Variants in FCGRT observed in about 807,000 individuals in gnomAD.
The protein encoded by FCGRT is IgG receptor FcRn large subunit p51.
In FCGRT, 13 loss-of-function variants were observed where a neutral mutation model predicts 35.7. That is an observed-to-expected ratio of 0.36 (90% confidence interval 0.24 to 0.58). The LOEUF is 0.58. Ranked by LOEUF, FCGRT falls within the 20% of genes least tolerant of loss-of-function variation. FCGRT has a pLI of 0.77. For missense variants in FCGRT, 455 were observed against 474.9 expected (o/e 0.96, Z 0.39); for synonymous variants, 233 against 216.5 (o/e 1.08, Z -0.67).
intron 4 of FCGRT, among the ~76,000 whole-genome samples, chr19:49,522,416 TAAATTTTTTA>T (rs891392135): frequency 6.6e-6 from 1 of 151,710 alleles, no homozygotes; most frequent in African/African-American, 2.4e-5. Flanking sequence ...AATCTTTTTT[TAAATTTTTTA>T]AAATTTTTAA....
intron 4 of FCGRT, among the ~76,000 whole-genome samples, chr19:49,524,167 C>T (rs561732631): frequency 7.2e-4 from 109 of 151,804 alleles, no homozygotes; most frequent in African/African-American, 2.4e-3. Flanking sequence ...TACAGGTGCC[C>T]GGCTAATTTT....
chr19:49,513,002 A>T (rs1054208171), intron 1 of FCGRT, among the ~76,000 whole-genome samples: 1 of 88,648 alleles, frequency 1.1e-5, no homozygotes, highest in Non-Finnish European at 2.2e-5. Context: ...CCTGGGTCCG[A>T]GGGTAGAGCG....
rs1287068457 is a variant in FCGRT at position 49,513,696 on chromosome 19, T to C, written c.74-186T>C. Reference sequence around the variant, plus strand: ...CTCTCTCTCTGGGTCTCTGTCCCCCTCTCTTTCTGGGTCTCTTGTCTCTCT... The same window carrying C: ...CTCTCTCTCTGGGTCTCTGTCCCCCCCTCTTTCTGGGTCTCTTGTCTCTCT... On this transcript the variant is annotated intron_variant, in intron 2 of 6. Transcript: ENST00000221466. 37 of 573,284 alleles carry C rather than the reference T, an allele frequency of 6.5e-5. 1 individual carries two copies. In the South Asian group the frequency reaches 9.7e-4, roughly 15 times the overall value. The allele number at this position is 573,284 out of a possible 1,614,324, so 35.5% of individuals were successfully genotyped here.
rs1455108555 is a variant in FCGRT, at chr19:49,513,409, C to T, written c.9C>T (p.Val3=). 8.7e-6 allele frequency: 10 copies of T among 1,146,718 alleles called. No individual in the cohort carries two copies. The highest frequency in any genetic ancestry group is 1.1e-5 in the Non-Finnish European group (10 of 928,742). 71.0% of individuals were successfully genotyped at this position (1,146,718 alleles called of 1,614,324 possible). The change falls in exon 2 of 7, where the codon GTC becomes GTT. Residue 3 remains valine (V), a synonymous_variant. Coordinates refer to ENST00000221466, the MANE Select transcript of FCGRT (RefSeq NM_001136019.3). MG[V]PRPQPWALGL... ...CAGGTCGTCCTCTCAGCATGGGGGTCCCGCGGCCTCAGCCCTGGGCGCTGG... is the reference window on the plus strand; with the variant it reads ...CAGGTCGTCCTCTCAGCATGGGGGTTCCGCGGCCTCAGCCCTGGGCGCTGG...
At chr19:49,520,130 C>CT (rs952631701) in intron 4 of FCGRT, among the ~76,000 whole-genome samples, 2,144 of 99,472 alleles carry the variant, frequency 0.022, 92 homozygotes, top group East Asian at 0.13. Flanking sequence ...CGCGCCCGGG[C>CT]TTTTTTTTTT....
chr19:49,515,101 C>T (rs1206300991), intron 4 of FCGRT: 1 of 151,782 alleles, frequency 6.6e-6, no homozygotes, highest in East Asian at 1.9e-4. Flanking sequence ...CTCAAGCAGT[C>T]CTCCCACCTC....
chr19:49,525,573 G>C lies in FCGRT; in HGVS notation c.988G>C (p.Ala330Pro). ...LWRRMRSGLPAPWISLRGDDT... is the reference protein window; with the variant it reads ...LWRRMRSGLPPPWISLRGDDT... ...GAGAAGGATGAGGAGTGGGCTGCCA[G>C]GTGGGGGGCAGCGGGAGGAAGAGCC... The change falls in exon 6 of 7, where the codon GCC (alanine) becomes CCC (proline). Residue 330 changes from alanine (A) to proline (P), a missense_variant and splice_region_variant. Ala to Pro is a conservative substitution (Grantham distance 27, BLOSUM62 -1). Around this residue, in one of 3 missense-constraint regions of FCGRT, gnomAD observed 312 missense variants for 296.1 expected, o/e 1.05. Transcript: ENST00000221466. The C allele has an allele frequency of 1.2e-6, 2 of 1,601,822 alleles. No individual in the cohort carries two copies. The highest frequency in any genetic ancestry group is 1.7e-6 in the Non-Finnish European group (2 of 1,170,170).
In FCGRT at chr19:49,514,447, G is replaced by T; in HGVS notation, c.562G>T (p.Glu188Ter). ...ATTCTCCTGCCCGCACCGCCTGCGG[G>T]AGCACCTGGAGAGGGGCCGCGGAAA... The part of the protein sequence containing the change: ...LLFSCPHRLR[E>*]HLERGRGNLE... The change falls in exon 4 of 7, where the codon GAG (glutamate) becomes TAG (stop). Residue 188 changes from glutamate to a stop codon, truncating the protein, a stop_gained. Transcript: ENST00000221466. LOFTEE classifies it high-confidence loss of function. 1 of 1,571,982 alleles carries T rather than the reference G, an allele frequency of 6.4e-7. No homozygotes were observed. Among genetic ancestry groups the T allele is most frequent in the Non-Finnish European group, 8.7e-7 (1 of 1,155,026 alleles).
Position 49,513,972 on chromosome 19 carries a change from C to T in FCGRT, c.164C>T (p.Pro55Leu), listed in dbSNP as rs764132164. The T allele has an allele frequency of 3.7e-6, 6 of 1,613,840 alleles. No individual in the cohort carries two copies. The East Asian group carries it at 8.9e-5, about 24-fold the overall frequency. Reference sequence around the variant, plus strand: ...TTCTGGGTGTCCGGCTGGCTGGGCCCGCAGCAGTACCTGAGCTACAATAGC... The same window carrying T: ...TTCTGGGTGTCCGGCTGGCTGGGCCTGCAGCAGTACCTGAGCTACAATAGC... ...PAFWVSGWLG[P>L]QQYLSYNSLR... The change falls in exon 3 of 7, where the codon CCG becomes CTG. Residue 55 changes from proline to leucine, a missense_variant. Physicochemically the swap from Pro to Leu is moderately conservative, Grantham distance 98 (BLOSUM62 -3). This residue lies in a region of FCGRT where 136 missense variants were observed against 158.9 expected (regional missense o/e 0.86). Coordinates refer to ENST00000221466, the MANE Select transcript of FCGRT (RefSeq NM_001136019.3).
intron 4 of FCGRT, among the ~76,000 whole-genome samples, chr19:49,519,688 T>C (rs2080029286): frequency 6.6e-6 from 1 of 152,156 alleles, no homozygotes; most frequent in African/African-American, 2.4e-5. Context: ...TTGGTGCGTA[T>C]GTCTGTGTGC....
intron 5 of FCGRT, chr19:49,525,160 C>T: frequency 2.0e-6 from 1 of 512,632 alleles, no homozygotes; most frequent in South Asian, 1.8e-5. Flanking sequence ...ACTGCCCGGG[C>T]CCATGAGACT....
intron 2 of FCGRT, 100 bp from the exon 3 acceptor site, chr19:49,513,782 C>T (rs2079989137): frequency 4.7e-6 from 4 of 859,782 alleles, no homozygotes; most frequent in Non-Finnish European, 6.4e-6. Context: ...AATCTGTCCC[C>T]CTCCCTCCAT....
intron 4 of FCGRT, among the ~76,000 whole-genome samples, chr19:49,520,312 TACAG>T (rs1185548699): frequency 1.3e-5 from 2 of 150,628 alleles, no homozygotes; most frequent in Non-Finnish European, 2.9e-5. Context: ...GTATTTTTAG[TACAG>T]ACAGGGTTTC....
intron 4 of FCGRT, among the ~76,000 whole-genome samples, chr19:49,519,127 C>A (rs2080025963): frequency 6.6e-6 from 1 of 152,198 alleles, no homozygotes; most frequent in South Asian, 2.1e-4. Flanking sequence ...CAGGCTTGAG[C>A]CACCGCGCCC....
chr19:49,524,341 G>C (rs924490165), intron 4 of FCGRT, among the ~76,000 whole-genome samples, 166 bp from the exon 5 acceptor site: 2 of 152,168 alleles, frequency 1.3e-5, no homozygotes, highest in South Asian at 2.1e-4. Flanking sequence ...CACCTTCGGG[G>C]TGGACAGGTT....
At position 49,514,549 on chromosome 19, in the gene FCGRT, G is replaced by T. The variant is rs185265088; in HGVS notation, c.601+63G>T. The T allele has an allele frequency of 4.2e-3, 6,071 of 1,450,468 alleles. 24 individuals carry two copies. Among genetic ancestry groups the T allele is most frequent in the Non-Finnish European group, 5.0e-3 (5,495 of 1,091,014 alleles). The allele number at this position is 1,450,468 out of a possible 1,614,324, so 89.8% of individuals were successfully genotyped here. On this transcript the variant is annotated intron_variant, in intron 4 of 6. Coordinates refer to ENST00000221466, the MANE Select transcript of FCGRT (RefSeq NM_001136019.3). ...TCTCCCGTCATGCCCACCTGCCTCA[G>T]TTCCCCTGCCAGGACCCTCCATCAG... is the stretch of plus-strand genomic sequence containing the variant.
chr19:49,514,691 CTTTTT>C (rs559894159), intron 4 of FCGRT, among the ~76,000 whole-genome samples: 1 of 137,014 alleles, frequency 7.3e-6, no homozygotes. Flanking sequence ...TCCTTGCCTT[CTTTTT>C]TTTTTTTTTT....
chr19:49,514,013 G>A lies in FCGRT; in HGVS notation c.205G>A (p.Glu69Lys). The change falls in exon 3 of 7, where the codon GAG becomes AAG. Residue 69 changes from glutamate (E) to lysine (K), a missense_variant. Around this residue, in one of 3 missense-constraint regions of FCGRT, gnomAD observed 136 missense variants for 158.9 expected, o/e 0.86. Coordinates refer to ENST00000221466, the MANE Select transcript of FCGRT (RefSeq NM_001136019.3). ...LSYNSLRGEAEPCGAWVWENQ... is the reference protein window; with the variant it reads ...LSYNSLRGEAKPCGAWVWENQ... The stretch of plus-strand genomic sequence containing the variant: ...CTACAATAGCCTGCGGGGCGAGGCG[G>A]AGCCCTGTGGAGCTTGGGTCTGGGA... 6.2e-7 allele frequency: 1 copy of A among 1,613,046 alleles called. No homozygotes were observed. Among genetic ancestry groups the A allele is most frequent in the Non-Finnish European group, 8.5e-7 (1 of 1,180,026 alleles).
chr19:49,519,665 A>C (rs1459791589), intron 4 of FCGRT, among the ~76,000 whole-genome samples: 1 of 151,764 alleles, frequency 6.6e-6, no homozygotes, highest in East Asian at 1.9e-4. Context: ...TGGCAAGAAA[A>C]CTTTCTGGGT....
Sources: allele counts gnomAD v4.1 joint callset (sites outside exome capture counted in the v4.1 genomes callset), GRCh38; gene constraint gnomAD v4.1.1; regional missense constraint gnomAD v4.1.1; transcripts MANE v1.5; gene names NCBI Gene and HGNC (gene_info 2026-07-23, HGNC 2026-07-21).